NDST1: variants seen among roughly 807,000 people sequenced by gnomAD.
The protein encoded by NDST1 is bifunctional heparan sulfate N-deacetylase/N-sulfotransferase 1.
Under a neutral mutation model 92.8 loss-of-function variants are expected in NDST1, and 35 were observed. The ratio of observed to expected loss-of-function variants is 0.38; its 90% CI spans 0.29 to 0.50. The LOEUF (loss-of-function observed/expected upper bound fraction) is 0.50, where lower values mean the gene tolerates loss of function less well. NDST1 is among the 20% of genes least tolerant of loss of function. The pLI, the probability that NDST1 is intolerant of heterozygous loss-of-function variation, is 0.94. For synonymous variants in NDST1, 493 were observed against 500.3 expected (o/e 0.99, Z 0.19); for missense variants, 822 against 1,182.7 (o/e 0.69, Z 4.47).
At chr5:150,550,261 C>T (rs988479086) in intron 13 of NDST1, among the ~76,000 whole-genome samples, 1 of 152,062 alleles carries the variant, frequency 6.6e-6, no homozygotes, top group Non-Finnish European at 1.5e-5. Context: ...GCCACCATGC[C>T]TGGCTAATTT....
At chr5:150,523,591 C>G (rs1202228943) in intron 2 of NDST1, among the ~76,000 whole-genome samples, 1 of 152,216 alleles carries the variant, frequency 6.6e-6, no homozygotes. Flanking sequence ...AGGCCTTAGT[C>G]TTAACCACGA....
intron 7 of NDST1, chr5:150,539,857 G>A: frequency 1.1e-6 from 1 of 909,784 alleles, no homozygotes; most frequent in Non-Finnish European, 1.3e-6. Flanking sequence ...CCCACATTGG[G>A]TCTGCTTTCC....
At chr5:150,506,663 C>A (rs776657411), upstream of NDST1, among the ~76,000 whole-genome samples, 1 of 152,174 alleles carries the variant, frequency 6.6e-6, no homozygotes, top group Non-Finnish European at 1.5e-5. Flanking sequence ...CTAGAGAAAG[C>A]CGGGCCCACT....
chr5:150,545,229 C>G, intron 10 of NDST1, 83 bp from the exon 11 acceptor site: 3 of 1,493,948 alleles, frequency 2.0e-6, no homozygotes, highest in Non-Finnish European at 9.3e-7. Flanking sequence ...CATTCTACCC[C>G]AGTGCCTCGC....
In NDST1 at chr5:150,539,326, C is replaced by T. The variant is rs556141038; in HGVS notation, c.1536C>T (p.Gly512=). The T allele has an allele frequency of 1.9e-6, 3 of 1,614,106 alleles. No homozygotes were observed. Among genetic ancestry groups the T allele is most frequent in the East Asian group, 2.2e-5 (1 of 44,876 alleles). Residue 512 remains glycine, a synonymous_variant, in exon 7 of 15, where the codon GGC becomes GGT. Coordinates refer to ENST00000261797, the MANE Select transcript of NDST1 (RefSeq NM_001543.5). ...SSELDKIING[G]ELFLTVLLNP... Reference sequence around the variant, plus strand: ...AGCTGGACAAGATCATCAACGGGGGCGAGCTCTTCCTCACCGTGCTCCTCA... The same window carrying T: ...AGCTGGACAAGATCATCAACGGGGGTGAGCTCTTCCTCACCGTGCTCCTCA...
At chr5:150,549,389 A>G (rs558219708) in intron 12 of NDST1, among the ~76,000 whole-genome samples, 3 of 152,184 alleles carry the variant, frequency 2.0e-5, no homozygotes, top group South Asian at 4.1e-4. Flanking sequence ...GGAAGCTCAG[A>G]GAGAGGCCAG....
chr5:150,506,087 C>T (rs1424214703), upstream of NDST1, among the ~76,000 whole-genome samples: 1 of 152,154 alleles, frequency 6.6e-6, no homozygotes, highest in Non-Finnish European at 1.5e-5. Flanking sequence ...GAGGTGCCCG[C>T]TGTGTGCTTG....
chr5:150,527,884 C>T lies in NDST1; in HGVS notation c.594C>T (p.Cys198=). Residue 198 remains cysteine, a synonymous_variant, in exon 3 of 15, where the codon TGC becomes TGT. Transcript: ENST00000261797. ...ACTCAAACCTGGGCCTGAAGGACTG[C>T]AGCATCAACCCCAAGTCCCCGCTGC... ...FLHSNLGLKD[C]SINPKSPLLY... 6.2e-7 allele frequency: 1 copy of T among 1,614,154 alleles called. No homozygotes were observed. Among genetic ancestry groups the T allele is most frequent in the East Asian group, 2.2e-5 (1 of 44,886 alleles).
intron 11 of NDST1, 89 bp from the exon 12 acceptor site, chr5:150,548,129 T>C: frequency 1.3e-6 from 2 of 1,516,986 alleles, no homozygotes; most frequent in Non-Finnish European, 1.8e-6. Context: ...GCTGAGGATC[T>C]TCTGGCCACC....
intron 3 of NDST1, 30 bp from the exon 4 acceptor site, chr5:150,532,915 A>G (rs778240288): frequency 1.2e-6 from 2 of 1,603,376 alleles, no homozygotes; most frequent in South Asian, 1.1e-5. Context: ...GCTTTCCCTC[A>G]CTCATTCCTT....
At chr5:150,501,007 G>C (rs1243824115) in intron 1 of NDST1, among the ~76,000 whole-genome samples, 1 of 152,190 alleles carries the variant, frequency 6.6e-6, no homozygotes, top group Non-Finnish European at 1.5e-5. Context: ...CTGGAAAAAT[G>C]AACCATCGTC....
Position 150,521,809 on chromosome 5 carries a change from C to T in NDST1, c.513+42C>T. The stretch of plus-strand genomic sequence containing the variant: ...GTCCCCGAGCAGTTCAGAGCCCCCT[C>T]TGCAGCTCAGTGCCTGAATTCTCAT... On this transcript the variant is annotated intron_variant, in intron 2 of 14. Transcript: ENST00000261797. This position sits in a 1 kb window ranked among gnomAD's most constrained non-coding sequence, Gnocchi z 5.9. 6.2e-7 allele frequency: 1 copy of T among 1,608,036 alleles called. No homozygotes were observed. Among genetic ancestry groups the T allele is most frequent in the Non-Finnish European group, 8.5e-7 (1 of 1,179,764 alleles).
upstream of NDST1, among the ~76,000 whole-genome samples, chr5:150,506,720 G>C (rs1350105779): frequency 6.7e-6 from 1 of 150,332 alleles, no homozygotes; most frequent in East Asian, 1.9e-4. Flanking sequence ...TGCCAGCTGC[G>C]CCTCCATGTA....
intron 14 of NDST1, among the ~76,000 whole-genome samples, chr5:150,552,861 T>G (rs563850843): frequency 3.5e-4 from 54 of 152,188 alleles, no homozygotes; most frequent in Admixed American, 1.0e-3. Context: ...TTTGTTTTCT[T>G]TTGAGACGGA....
In NDST1 at chr5:150,545,491, G is replaced by A; in HGVS notation, c.2145+5G>A. On this transcript the variant is annotated splice_donor_5th_base_variant and intron_variant, in intron 11 of 14. Coordinates refer to ENST00000261797, the MANE Select transcript of NDST1 (RefSeq NM_001543.5). ...CGGGCCTATTCCTGGTACCAGGTGAGTGGGGCTGGGGTGGAGTCCCTGTGT... is the reference window on the plus strand; with the variant it reads ...CGGGCCTATTCCTGGTACCAGGTGAATGGGGCTGGGGTGGAGTCCCTGTGT... The A allele has an allele frequency of 1.2e-6, 2 of 1,614,216 alleles. No homozygotes were observed. Among genetic ancestry groups the A allele is most frequent in the Middle Eastern group, 1.6e-4 (1 of 6,062 alleles).
At chr5:150,535,612 A>G in intron 5 of NDST1, 88 bp from the exon 6 acceptor site, 2 of 1,513,978 alleles carry the variant, frequency 1.3e-6, no homozygotes, top group Non-Finnish European at 1.8e-6. Flanking sequence ...CTAACCTCTG[A>G]TTTCTCTCTC....
In NDST1 at chr5:150,554,126, G is replaced by A. The variant is rs544443582; in HGVS notation, c.*794G>A. 2.2e-4 allele frequency: 87 copies of A among 399,346 alleles called. No homozygotes were observed. The East Asian group carries it at 2.8e-3, about 13-fold the overall frequency. The allele number at this position is 399,346 out of a possible 1,614,324, so 24.7% of individuals were successfully genotyped here. ...GTAACATGTTCCCATGTACAGACAC[G>A]GTCCCCACACCCTCCCAGCCTCAGG... On this transcript the variant is annotated 3_prime_UTR_variant, in exon 15 of 15. Coordinates refer to ENST00000261797, the MANE Select transcript of NDST1 (RefSeq NM_001543.5).
intron 8 of NDST1, 55 bp downstream of exon 8, chr5:150,540,319 A>C: frequency 6.6e-7 from 1 of 1,523,522 alleles, no homozygotes; most frequent in Non-Finnish European, 8.9e-7. Flanking sequence ...GCCACCACTC[A>C]CAGGCACACA....
intron 4 of NDST1, among the ~76,000 whole-genome samples, chr5:150,533,780 T>A (rs1255011566): frequency 6.6e-6 from 1 of 152,186 alleles, no homozygotes; most frequent in African/African-American, 2.4e-5. Flanking sequence ...ATATTCTTTT[T>A]AAAATTTTTT....
Sources: gnomAD v4.1 joint callset for allele counts (sites outside exome capture counted in the v4.1 genomes callset) on GRCh38, gnomAD v4.1.1 for gene constraint, Gnocchi (gnomAD v3.1) non-coding constraint, MANE v1.5 for transcripts, NCBI Gene and HGNC (gene_info 2026-07-23, HGNC 2026-07-21) for gene names.